The following WAC variants were observed in gnomAD, a reference collection of about 807,000 sequenced individuals.
WAC encodes WW domain containing adaptor with coiled-coil, also known as WW domain-containing adapter protein with coiled-coil.
In WAC, 11 loss-of-function variants were observed where a neutral mutation model predicts 79.6. The observed-to-expected ratio is 0.14, with a 90% confidence interval of 0.09 to 0.23. WAC has a LOEUF of 0.23. WAC is among the 10% of genes least tolerant of loss of function. WAC has a pLI of 1.00. For synonymous variants in WAC, 304 were observed against 276.9 expected, an observed-to-expected ratio of 1.10 and a Z score of -0.97; for missense variants, 728 against 773.5, an observed-to-expected ratio of 0.94 and a Z score of 0.70.
intron 3 of WAC, among the ~76,000 whole-genome samples, chr10:28,561,989 G>T (rs1838322449): frequency 6.6e-6 from 1 of 152,124 alleles, no homozygotes; most frequent in East Asian, 1.9e-4. Context: ...AAGCAGGTAG[G>T]GTGCAGAGAC....
intron 8 of WAC, chr10:28,608,710 A>G: frequency 3.3e-6 from 1 of 305,704 alleles, no homozygotes; most frequent in Non-Finnish European, 6.0e-6. Flanking sequence ...CATTCTATAT[A>G]CATAATGTGT....
intron 7 of WAC, among the ~76,000 whole-genome samples, chr10:28,603,978 T>C (rs376354226): frequency 3.6e-5 from 2 of 55,464 alleles, no homozygotes; most frequent in Admixed American, 3.6e-4. Flanking sequence ...TATATATATA[T>C]ATATATATAT....
intron 7 of WAC, among the ~76,000 whole-genome samples, chr10:28,603,965 A>ATATATATATATATATATATGTG (rs1840787031): frequency 3.8e-5 from 1 of 26,284 alleles, no homozygotes; most frequent in Non-Finnish European, 7.3e-5. Flanking sequence ...ATGTATGTAT[A>ATATATATATATATATATATGTG]TATATATATA....
chr10:28,589,009 G>A (rs1290091261), intron 4 of WAC: 1 of 152,154 alleles, frequency 6.6e-6, no homozygotes, highest in Non-Finnish European at 1.5e-5. Flanking sequence ...ATCTTTGTGA[G>A]ATTCGTTTCG....
chr10:28,551,784 T>TTGTGTGTGTGTGTG (rs71769370), intron 3 of WAC, among the ~76,000 whole-genome samples: 2,859 of 124,714 alleles, frequency 0.023, 58 homozygotes, highest in East Asian at 0.032. Context: ...TCCTGTCTAC[T>TTGTGTGTGTGTGTG]TGTGTGTGTG....
intron 3 of WAC, among the ~76,000 whole-genome samples, chr10:28,550,974 C>G (rs1406062813): frequency 1.3e-5 from 2 of 152,192 alleles, no homozygotes; most frequent in African/African-American, 4.8e-5. Flanking sequence ...TTTTGCAGTT[C>G]AGGCTCTTCA....
At chr10:28,534,553 C>T (rs970392708) in intron 2 of WAC, among the ~76,000 whole-genome samples, 3 of 152,130 alleles carry the variant, frequency 2.0e-5, no homozygotes, top group Non-Finnish European at 2.9e-5. Flanking sequence ...GCTTTTGTTT[C>T]TGTAAGAATT....
chr10:28,611,690 T>C (rs1007082260), intron 9 of WAC, 84 bp from the exon 10 acceptor site: 19 of 1,515,534 alleles, frequency 1.3e-5, no homozygotes, highest in Non-Finnish European at 1.6e-5. Flanking sequence ...AATACAAATA[T>C]CTTTGCCACA....
intron 7 of WAC, 94 bp from the exon 8 acceptor site, chr10:28,608,083 ATTACTTACG>A: frequency 7.6e-7 from 1 of 1,316,308 alleles, no homozygotes; most frequent in African/African-American, 1.5e-5. Context: ...GTTAAATGAG[ATTACTTACG>A]TTAGGTGCCT....
chr10:28,555,868 T>G (rs765847245), intron 3 of WAC, among the ~76,000 whole-genome samples: 2 of 152,170 alleles, frequency 1.3e-5, no homozygotes, highest in Admixed American at 6.5e-5. Context: ...TGTACAACTT[T>G]CCAGCTTCCA....
Position 28,578,293 on chromosome 10 carries a change from T to G in WAC, c.275-5106T>G, listed in dbSNP as rs1445611516. 3.3e-5 allele frequency among the ~76,000 whole-genome samples: 5 copies of G among 152,346 alleles called. No homozygotes were observed. In the East Asian group the frequency reaches 7.7e-4, roughly 23 times the overall value. ...AGCTTTATTCAGTCCTATTTTTGCT[T>G]TTGTCTGAAAGCAATATGAGATGGT... On this transcript the variant is annotated intron_variant, in intron 3 of 13. Transcript: ENST00000354911.
chr10:28,614,068 A>G (rs1359436684), intron 10 of WAC, among the ~76,000 whole-genome samples: 3 of 152,180 alleles, frequency 2.0e-5, no homozygotes, highest in Non-Finnish European at 4.4e-5. Context: ...AGAGATAATA[A>G]TGTATTGGAA....
intron 7 of WAC, among the ~76,000 whole-genome samples, chr10:28,607,908 T>C (rs1841039715): frequency 6.6e-6 from 1 of 152,232 alleles, no homozygotes; most frequent in South Asian, 2.1e-4. Context: ...ATTGGTACTT[T>C]TCAAATCAGA....
intron 3 of WAC, among the ~76,000 whole-genome samples, chr10:28,569,606 G>C (rs747835164): frequency 2.7e-4 from 41 of 152,132 alleles, no homozygotes; most frequent in Non-Finnish European, 5.1e-4. Context: ...ATTAATCTCT[G>C]AATGTTTGAA....
chr10:28,565,749 A>G (rs371163400), intron 3 of WAC, among the ~76,000 whole-genome samples: 32 of 152,314 alleles, frequency 2.1e-4, no homozygotes, highest in African/African-American at 7.2e-4. Context: ...CATTTTGCTC[A>G]TAAAATAACA....
Position 28,619,586 on chromosome 10 carries a change from C to A in WAC, c.1924C>A (p.Gln642Lys). 6.3e-7 allele frequency: 1 copy of A among 1,576,068 alleles called. No homozygotes were observed. Among genetic ancestry groups the A allele is most frequent in the South Asian group, 1.2e-5 (1 of 83,830 alleles). Residue 642 changes from glutamine (Q) to lysine (K), a missense_variant, in exon 14 of 14, where the codon CAG becomes AAG. Physicochemically the swap from Gln to Lys is moderately conservative, Grantham distance 53 (BLOSUM62 1). This residue lies in a region of WAC where 66 missense variants were observed against 78.9 expected (regional missense o/e 0.84). Coordinates refer to ENST00000354911, the MANE Select transcript of WAC (RefSeq NM_016628.5). ...QIKELEKLKN[Q>K]NSFMV is the part of the protein sequence containing the mutation. ...TAAGGAACTTGAAAAGCTAAAAAAT[C>A]AGAATTCCTTCATGGTGTGAAGATG... is the stretch of plus-strand genomic sequence containing the variant.
intron 3 of WAC, among the ~76,000 whole-genome samples, chr10:28,559,136 A>ATGTATGTGTGTGTGTGTG (rs1554780980): frequency 6.8e-6 from 1 of 146,660 alleles, no homozygotes; most frequent in Non-Finnish European, 1.5e-5. Context: ...GAGAAACCTG[A>ATGTATGTGTGTGTGTGTG]TGTGTGTGTG....
Position 28,595,822 on chromosome 10 carries a change from C to T in WAC, c.700C>T (p.Leu234=). Residue 234 remains leucine (L), a synonymous_variant, in exon 7 of 14, where the codon CTG becomes TTG. Transcript: ENST00000354911. ...TSRHNDRDYR[L]PRAETHSSST... is the part of the protein sequence containing the mutation. ...CAGACACAATGACAGAGACTACAGACTGCCAAGAGCAGAGACTCACAGTAG... is the reference window on the plus strand; with the variant it reads ...CAGACACAATGACAGAGACTACAGATTGCCAAGAGCAGAGACTCACAGTAG... 1 of 1,614,134 alleles carries T rather than the reference C, an allele frequency of 6.2e-7. No homozygotes were observed. The highest frequency in any genetic ancestry group is 8.5e-7 in the Non-Finnish European group (1 of 1,179,998).
At chr10:28,608,552 T>G (rs1240253629) in intron 8 of WAC, 121 bp downstream of exon 8, 7 of 1,153,414 alleles carry the variant, frequency 6.1e-6, no homozygotes, top group East Asian at 5.2e-5. Context: ...TGAACACTTT[T>G]TTTTGTTTTG....
Sources: gnomAD v4.1 joint callset for allele counts (sites outside exome capture counted in the v4.1 genomes callset) on GRCh38, gnomAD v4.1.1 for gene constraint, gnomAD v4.1.1 regional missense constraint, MANE v1.5 for transcripts, NCBI Gene and HGNC (gene_info 2026-07-23, HGNC 2026-07-21) for gene names.